TPR: variants seen among roughly 807,000 people sequenced by gnomAD.
TPR encodes nucleoprotein TPR.
Under a neutral mutation model 316.1 loss-of-function variants are expected in TPR, and 51 were observed. The observed-to-expected ratio is 0.16, with a 90% confidence interval of 0.13 to 0.20. The LOEUF (loss-of-function observed/expected upper bound fraction) is 0.20, where lower values mean the gene tolerates loss of function less well. Ranked by LOEUF, TPR falls within the 10% of genes least tolerant of loss-of-function variation. TPR has a pLI of 1.00. For synonymous variants in TPR, 981 were observed against 914.7 expected, an observed-to-expected ratio of 1.07 and a Z score of -1.31; for missense variants, 2,272 against 2,754.8, an observed-to-expected ratio of 0.82 and a Z score of 3.92.
Position 186,367,743 on chromosome 1 carries a change from G to A in TPR, c.427+143C>T, listed in dbSNP as rs1435864930. The A allele has an allele frequency of 8.6e-5, 45 of 522,714 alleles. No individual in the cohort carries two copies. The East Asian group carries it at 1.2e-3, about 14-fold the overall frequency. 32.4% of individuals were successfully genotyped at this position (522,714 alleles called of 1,614,324 possible). On this transcript the variant is annotated intron_variant, in intron 4 of 50. Coordinates refer to ENST00000367478, the MANE Select transcript of TPR (RefSeq NM_003292.3). ...ACAATGATTTAAAGATAAATGAGTAGGAGAAATAATAGGATATGACAACTC... is the reference window on the plus strand; with the variant it reads ...ACAATGATTTAAAGATAAATGAGTAAGAGAAATAATAGGATATGACAACTC...
At chr1:186,350,615 A>T (rs1429015459) in intron 20 of TPR, among the ~76,000 whole-genome samples, 1 of 152,146 alleles carries the variant, frequency 6.6e-6, no homozygotes, top group Non-Finnish European at 1.5e-5. Context: ...TTACTGATTT[A>T]AAAGTTTCCA....
intron 3 of TPR, among the ~76,000 whole-genome samples, chr1:186,369,799 C>G (rs1659466419): frequency 6.6e-6 from 1 of 152,144 alleles, no homozygotes; most frequent in African/African-American, 2.4e-5. Flanking sequence ...GGTGAGTGGG[C>G]ATCCCAGCCT....
At chr1:186,365,595 G>A (rs1017410455) in intron 4 of TPR, among the ~76,000 whole-genome samples, 5 of 152,164 alleles carry the variant, frequency 3.3e-5, no homozygotes, top group Non-Finnish European at 7.3e-5. Flanking sequence ...CAACACTGTG[G>A]AAGAGAACCC....
chr1:186,365,799 T>C (rs1006945489), intron 4 of TPR, among the ~76,000 whole-genome samples: 1 of 152,056 alleles, frequency 6.6e-6, no homozygotes, highest in Non-Finnish European at 1.5e-5. Context: ...ATGAAAGAGA[T>C]TGTGGATATG....
intron 14 of TPR, among the ~76,000 whole-genome samples, chr1:186,357,005 C>A (rs759056786): frequency 1.3e-4 from 20 of 152,148 alleles, no homozygotes; most frequent in Non-Finnish European, 1.6e-4. Flanking sequence ...TCTTTCCTCC[C>A]TATATCACTA....
intron 21 of TPR, 84 bp from the exon 22 acceptor site, chr1:186,347,542 T>G (rs1658721704): frequency 7.2e-7 from 1 of 1,392,848 alleles, no homozygotes; most frequent in Non-Finnish European, 9.7e-7. Flanking sequence ...GAAATTAGCA[T>G]TAAGGTTCAA....
intron 45 of TPR, among the ~76,000 whole-genome samples, chr1:186,321,995 C>T (rs1557986432): frequency 6.6e-6 from 1 of 152,166 alleles, no homozygotes; most frequent in Non-Finnish European, 1.5e-5. Context: ...TGCTCATGAA[C>T]AGAGAACCTA....
Position 186,347,437 on chromosome 1 carries a change from T to C in TPR, c.2798A>G (p.Asp933Gly). The change falls in exon 22 of 51, where the codon GAT becomes GGT. Residue 933 changes from aspartate (D) to glycine (G), a missense_variant. This residue lies in a region of TPR where 757 missense variants were observed against 859.8 expected (regional missense o/e 0.88). Coordinates refer to ENST00000367478, the MANE Select transcript of TPR (RefSeq NM_003292.3). The part of the protein sequence containing the change: ...TGKGQPSNKE[D>G]VDDLVSQLRQ... ...TAGCTGACTCACAAGATCATCCACA[T>C]CTTCTTTGTTGCTAGGCTGACCTAA... 1 of 1,613,950 alleles carries C rather than the reference T, an allele frequency of 6.2e-7. No homozygotes were observed. Among genetic ancestry groups the C allele is most frequent in the Non-Finnish European group, 8.5e-7 (1 of 1,179,948 alleles).
chr1:186,373,435 C>A lies in TPR; in HGVS notation c.180G>T (p.Arg60Ser), dbSNP rs1335792216. The change falls in exon 2 of 51, where the codon AGG (arginine) becomes AGT (serine). Residue 60 changes from arginine (R) to serine (S), a missense_variant. By Grantham distance (110) the Arg-to-Ser change is moderately radical. Transcript: ENST00000367478. ...SEQQYFEIEK[R>S]LSHSQERLVN... is the part of the protein sequence containing the mutation. ...CAAGTCTCTCCTGACTGTGGGACAA[C>A]CTCTTTTCTATTTCAAAATACTGTT... 1 of 1,612,998 alleles carries A rather than the reference C, an allele frequency of 6.2e-7. No homozygotes were observed. Among genetic ancestry groups the A allele is most frequent in the Admixed American group, 1.7e-5 (1 of 59,918 alleles).
rs1298594081 is a variant in TPR, at chr1:186,331,555, A to G, written c.5631T>C (p.Thr1877=). 1 of 1,609,032 alleles carries G rather than the reference A, an allele frequency of 6.2e-7. No homozygotes were observed. Among genetic ancestry groups the G allele is most frequent in the East Asian group, 2.2e-5 (1 of 44,628 alleles). The change falls in exon 39 of 51, where the codon ACT becomes ACC. Residue 1877 remains threonine, a synonymous_variant. Coordinates refer to ENST00000367478, the MANE Select transcript of TPR (RefSeq NM_003292.3). ...TEEEVMAEES[T]DGEVETQVYN... The stretch of plus-strand genomic sequence containing the variant: ...ATACCTGAGTCTCTACCTCTCCATC[A>G]GTACTTTCTTCTGCCATAACTTCTT...
intron 4 of TPR, among the ~76,000 whole-genome samples, chr1:186,364,562 A>T (rs1399728134): frequency 6.6e-6 from 1 of 152,220 alleles, no homozygotes; most frequent in Admixed American, 6.5e-5. Flanking sequence ...GAGGTAAAGC[A>T]AAGTTATTAT....
intron 2 of TPR, 151 bp from the exon 3 acceptor site, chr1:186,371,194 T>G: frequency 1.6e-6 from 1 of 630,282 alleles, no homozygotes; most frequent in Non-Finnish European, 2.7e-6. Flanking sequence ...AATTCATGAA[T>G]GCATTCAAAA....
rs1659135816 is a variant in TPR at position 186,360,003 on chromosome 1, G to A, written c.1192-7C>T. The A allele has an allele frequency of 6.2e-7, 1 of 1,602,436 alleles. No homozygotes were observed. Among genetic ancestry groups the A allele is most frequent in the Non-Finnish European group, 8.5e-7 (1 of 1,177,348 alleles). ...CCACATAAGCATTATAGAGCTGAAA[G>A]TAGACAAAGGGTTGTTTCAAATCTA... On this transcript the variant is annotated splice_polypyrimidine_tract_variant and splice_region_variant and intron_variant, in intron 11 of 50. Transcript: ENST00000367478.
At chr1:186,347,253 T>C (rs781654685) in intron 22 of TPR, 39 bp downstream of exon 22, 4 of 1,602,728 alleles carry the variant, frequency 2.5e-6, no homozygotes, top group Non-Finnish European at 1.7e-6. Context: ...AGTTAACAAA[T>C]GTGTTGAGAT....
rs147223586 is a variant in TPR, at chr1:186,344,368, A to G, written c.3417+7T>C. On this transcript the variant is annotated splice_region_variant and intron_variant, in intron 25 of 50. Coordinates refer to ENST00000367478, the MANE Select transcript of TPR (RefSeq NM_003292.3). ...ACAGAACATTCTATTCAGATTTACA[A>G]TAATACCTTTAACATTCTCTCTCTT... 49 of 1,612,392 alleles carry G rather than the reference A, an allele frequency of 3.0e-5. No homozygotes were observed. The African/African-American group carries it at 5.5e-4, about 18-fold the overall frequency.
At position 186,353,868 on chromosome 1, in the gene TPR, A is replaced by G. The variant is rs950916789; in HGVS notation, c.2172-18T>C. On this transcript the variant is annotated intron_variant, in intron 17 of 50. Coordinates refer to ENST00000367478, the MANE Select transcript of TPR (RefSeq NM_003292.3). Reference sequence around the variant, plus strand: ...TTTCATAACTGGTATGAAAAAAGTAATTCTACAAGTAACTGAAATGATATC... The same window carrying G: ...TTTCATAACTGGTATGAAAAAAGTAGTTCTACAAGTAACTGAAATGATATC... 1.2e-6 allele frequency: 2 copies of G among 1,607,856 alleles called. No individual in the cohort carries two copies. The highest frequency in any genetic ancestry group is 1.7e-6 in the Non-Finnish European group (2 of 1,178,018).
intron 29 of TPR, among the ~76,000 whole-genome samples, chr1:186,340,823 A>G (rs1658488307): frequency 6.6e-6 from 1 of 152,184 alleles, no homozygotes. Flanking sequence ...TTTTAGAAAT[A>G]TATATAATAT....
intron 30 of TPR, among the ~76,000 whole-genome samples, 179 bp downstream of exon 30, chr1:186,339,463 T>A (rs1024051996): frequency 1.3e-5 from 2 of 152,164 alleles, no homozygotes; most frequent in Non-Finnish European, 1.5e-5. Context: ...ATATTTTATA[T>A]ACAAAGGCAT....
intron 10 of TPR, 128 bp downstream of exon 10, chr1:186,360,637 A>G: frequency 4.8e-6 from 6 of 1,253,132 alleles, no homozygotes; most frequent in Non-Finnish European, 6.6e-6. Context: ...AACAAATTCT[A>G]TTAATATAAC....
Sources: gnomAD v4.1 joint callset for allele counts (sites outside exome capture counted in the v4.1 genomes callset) on GRCh38, gnomAD v4.1.1 for gene constraint, gnomAD v4.1.1 regional missense constraint, MANE v1.5 for transcripts, NCBI Gene and HGNC (gene_info 2026-07-23, HGNC 2026-07-21) for gene names.